CSTPP1: variants seen among roughly 807,000 people sequenced by gnomAD.
CSTPP1 encodes the protein centriolar satellite-associated tubulin polyglutamylase complex regulator 1.
the CSTPP1 span, among the ~76,000 whole-genome samples, chr11:46,973,547 T>C: frequency 6.6e-6 from 1 of 152,202 alleles, no homozygotes; most frequent in Admixed American, 6.5e-5. Context: ...ATAGAATCCA[T>C]TCTTTACCTC....
At chr11:47,135,465 C>T in the CSTPP1 span, among the ~76,000 whole-genome samples, 1 of 152,168 alleles carries the variant, frequency 6.6e-6, no homozygotes, top group Admixed American at 6.5e-5. Flanking sequence ...TATCAGTGTT[C>T]TGATTTTGAA....
the CSTPP1 span, among the ~76,000 whole-genome samples, chr11:47,029,726 G>T: frequency 1.3e-5 from 2 of 151,778 alleles, 1 homozygote; most frequent in South Asian, 4.1e-4. Flanking sequence ...TCACCTTAGT[G>T]TGGCCAGTTT....
chr11:47,138,710 G>A, the CSTPP1 span, among the ~76,000 whole-genome samples: 1 of 151,924 alleles, frequency 6.6e-6, no homozygotes, highest in Admixed American at 6.6e-5. Flanking sequence ...AGACACGGTG[G>A]CTCACGCCTG....
the CSTPP1 span, chr11:47,041,272 C>A: frequency 3.9e-6 from 1 of 259,426 alleles, no homozygotes. Context: ...TTGTACTTGG[C>A]CAGCTCCTGG....
chr11:47,109,367 C>A, the CSTPP1 span: 1 of 152,042 alleles, frequency 6.6e-6, no homozygotes, highest in Non-Finnish European at 1.5e-5. Flanking sequence ...TTCTGAGGAC[C>A]GAGGACAAGC....
chr11:46,952,476 C>T, the CSTPP1 span, among the ~76,000 whole-genome samples: 28 of 152,196 alleles, frequency 1.8e-4, no homozygotes, highest in African/African-American at 6.3e-4. Context: ...GGTACACAAA[C>T]AAAAATCTGT....
chr11:47,157,054 G>C, the CSTPP1 span: 1 of 1,614,116 alleles, frequency 6.2e-7, no homozygotes, highest in Non-Finnish European at 8.5e-7. Context: ...CCATCTATGA[G>C]GACCTGCTGT....
At chr11:46,959,890 G>T in the CSTPP1 span, among the ~76,000 whole-genome samples, 1 of 132,700 alleles carries the variant, frequency 7.5e-6, no homozygotes, top group African/African-American at 3.2e-5. Flanking sequence ...TTTTTGAGAT[G>T]GAGTCTTTCT....
chr11:47,151,279 C>A, the CSTPP1 span, among the ~76,000 whole-genome samples: 5 of 151,906 alleles, frequency 3.3e-5, no homozygotes, highest in Non-Finnish European at 5.9e-5. Flanking sequence ...GACATGCTGG[C>A]GCACGCCTGT....
the CSTPP1 span, among the ~76,000 whole-genome samples, chr11:47,144,970 AT>A: frequency 7.6e-6 from 1 of 132,228 alleles, no homozygotes; most frequent in Non-Finnish European, 1.6e-5. Flanking sequence ...GATTTAAAGT[AT>A]TGCCTGCCAT....
the CSTPP1 span, among the ~76,000 whole-genome samples, chr11:47,139,981 G>A: frequency 9.9e-5 from 15 of 152,130 alleles, no homozygotes; most frequent in Middle Eastern, 3.4e-3. Flanking sequence ...GAATCACCTC[G>A]CTCCTTTTGA....
At chr11:47,064,024 A>T in the CSTPP1 span, among the ~76,000 whole-genome samples, 1 of 152,120 alleles carries the variant, frequency 6.6e-6, no homozygotes, top group Non-Finnish European at 1.5e-5. Context: ...AGCCATCCTA[A>T]AGAATGTGAA....
chr11:47,081,768 A>G, the CSTPP1 span, among the ~76,000 whole-genome samples: 2 of 152,110 alleles, frequency 1.3e-5, no homozygotes, highest in Non-Finnish European at 2.9e-5. Context: ...CTCACATCTT[A>G]TATGCAAACA....
the CSTPP1 span, among the ~76,000 whole-genome samples, chr11:47,038,341 C>T: frequency 2.0e-5 from 2 of 98,810 alleles, no homozygotes; most frequent in South Asian, 3.6e-4. Flanking sequence ...GACCCCCCAC[C>T]TCCCTCCTGG....
chr11:47,157,057 C>T, the CSTPP1 span: 2 of 1,614,158 alleles, frequency 1.2e-6, no homozygotes, highest in Admixed American at 3.3e-5. Context: ...TCTATGAGGA[C>T]CTGCTGTCAG....
chr11:46,965,083 C>T, the CSTPP1 span, among the ~76,000 whole-genome samples: 2 of 152,010 alleles, frequency 1.3e-5, no homozygotes, highest in Non-Finnish European at 2.9e-5. Flanking sequence ...AAACCATAAA[C>T]ATCAGTTCTA....
the CSTPP1 span, among the ~76,000 whole-genome samples, chr11:47,108,540 C>A: frequency 2.1e-3 from 321 of 151,308 alleles, 1 homozygote; most frequent in African/African-American, 7.5e-3. Flanking sequence ...TTACAGTGAA[C>A]AAAACAGATT....
At chr11:47,123,769 G>A in the CSTPP1 span, among the ~76,000 whole-genome samples, 1 of 152,200 alleles carries the variant, frequency 6.6e-6, no homozygotes, top group African/African-American at 2.4e-5. Flanking sequence ...GAGAGGCCGA[G>A]GTGGGTGGAT....
the CSTPP1 span, among the ~76,000 whole-genome samples, chr11:47,026,643 C>T: frequency 1.3e-5 from 2 of 152,062 alleles, no homozygotes; most frequent in African/African-American, 2.4e-5. Flanking sequence ...TTTGGGAGGC[C>T]GAGGTGGGTG....
Sources: allele counts gnomAD v4.1 joint callset (sites outside exome capture counted in the v4.1 genomes callset), GRCh38; gene constraint gnomAD v4.1.1; transcripts MANE v1.5; gene names NCBI Gene and HGNC (gene_info 2026-07-23, HGNC 2026-07-21).